Variants in PRDM1 observed in about 807,000 individuals in gnomAD.
The protein encoded by PRDM1 is PR/SET domain 1.
Under a neutral mutation model 62.8 loss-of-function variants are expected in PRDM1, and 13 were observed. The observed-to-expected ratio is 0.21, with a 90% CI of 0.13 to 0.33. The LOEUF (loss-of-function observed/expected upper bound fraction) is 0.33, where lower values mean the gene tolerates loss of function less well. Among genes scored for constraint, PRDM1 ranks in the 10% least tolerant of loss-of-function variants. The pLI, the probability that PRDM1 is intolerant of heterozygous loss-of-function variation, is 1.00. For missense variants in PRDM1, 895 were observed against 1,058.8 expected (o/e 0.85, Z 2.15); for synonymous variants, 396 against 417.6 (o/e 0.95, Z 0.63).
intron 1 of PRDM1, among the ~76,000 whole-genome samples, chr6:106,040,496 G>C (rs370408708): frequency 5.9e-5 from 9 of 152,174 alleles, no homozygotes; most frequent in Non-Finnish European, 1.0e-4. Flanking sequence ...TGTCCTCCTA[G>C]TTTCTGTTCT....
intron 4 of PRDM1, among the ~76,000 whole-genome samples, chr6:106,101,307 A>G (rs994778522): frequency 2.0e-5 from 3 of 152,088 alleles, no homozygotes; most frequent in Non-Finnish European, 4.4e-5. Context: ...ACTTTTTTGC[A>G]TGCTTCCCGC....
At chr6:106,098,193 G>T (rs1774162844) in intron 3 of PRDM1, 2 of 985,204 alleles carry the variant, frequency 2.0e-6, no homozygotes, top group Non-Finnish European at 1.2e-6. Flanking sequence ...CTTGGAGACT[G>T]CAAGTCGCAG....
At chr6:106,067,768 G>A (rs1486983878) in intron 1 of PRDM1, among the ~76,000 whole-genome samples, 1 of 152,142 alleles carries the variant, frequency 6.6e-6, no homozygotes, top group Non-Finnish European at 1.5e-5. Context: ...TCTGTTTTGA[G>A]TGATGAAAAA....
chr6:106,067,297 C>G (rs1409144802), intron 1 of PRDM1, among the ~76,000 whole-genome samples: 1 of 152,096 alleles, frequency 6.6e-6, no homozygotes, highest in Non-Finnish European at 1.5e-5. Context: ...CATTACTTCC[C>G]TAGAATAAAT....
At chr6:105,992,947 G>T (rs1772297486), upstream of PRDM1, among the ~76,000 whole-genome samples, 1 of 152,196 alleles carries the variant, frequency 6.6e-6, no homozygotes, top group Non-Finnish European at 1.5e-5. Flanking sequence ...GCTGGGGAGG[G>T]AGTTAGAGCT....
chr6:106,050,285 G>A (rs891079459), intron 1 of PRDM1, among the ~76,000 whole-genome samples: 1 of 152,160 alleles, frequency 6.6e-6, no homozygotes, highest in Non-Finnish European at 1.5e-5. Context: ...AAGATAAACA[G>A]TAGTGGTTCC....
intron 1 of PRDM1, among the ~76,000 whole-genome samples, chr6:106,072,604 G>A (rs559103849): frequency 3.9e-5 from 6 of 152,188 alleles, no homozygotes; most frequent in East Asian, 1.9e-4. Flanking sequence ...CTCAAGACCC[G>A]GATAGCTGGA....
chr6:106,040,662 G>T (rs1158048366), intron 1 of PRDM1, among the ~76,000 whole-genome samples: 1 of 152,122 alleles, frequency 6.6e-6, no homozygotes, highest in Non-Finnish European at 1.5e-5. Flanking sequence ...TCTATTTCTT[G>T]TTTGTTAAAA....
Position 106,109,643 on chromosome 6 carries a change from C to T in PRDM1, c.*2157C>T, listed in dbSNP as rs1335433633. 1 of 233,350 alleles carries T rather than the reference C, an allele frequency of 4.3e-6. No individual in the cohort carries two copies. The highest frequency in any genetic ancestry group is 6.0e-5 in the East Asian group (1 of 16,634). 14.5% of individuals were successfully genotyped at this position (233,350 alleles called of 1,614,324 possible). On this transcript the variant is annotated 3_prime_UTR_variant, in exon 7 of 7. Coordinates refer to ENST00000369096, the MANE Select transcript of PRDM1 (RefSeq NM_001198.4). The stretch of plus-strand genomic sequence containing the variant: ...ACCAAATACTTTTGATTCCCAACTA[C>T]TCGTTTGTTCTTTTTCTCCTTTTGT...
chr6:106,078,906 T>C (rs1333716616), intron 1 of PRDM1, among the ~76,000 whole-genome samples: 1 of 151,902 alleles, frequency 6.6e-6, no homozygotes, highest in African/African-American at 2.4e-5. Flanking sequence ...GAGTAGATCA[T>C]TTGGGGTCTC....
At position 106,108,114 on chromosome 6, in the gene PRDM1, A is replaced by G. The variant is rs994326057; in HGVS notation, c.*628A>G. On this transcript the variant is annotated 3_prime_UTR_variant, in exon 7 of 7. Coordinates refer to ENST00000369096, the MANE Select transcript of PRDM1 (RefSeq NM_001198.4). ...TTGATGTGTTCATTCCTGGGATCCT[A>G]TCATTTGAACAGCATTGTACATAAC... The G allele has an allele frequency of 8.6e-6, 2 of 233,340 alleles. No homozygotes were observed. Among genetic ancestry groups the G allele is most frequent in the African/African-American group, 4.4e-5 (2 of 45,324 alleles). 14.5% of individuals were successfully genotyped at this position (233,340 alleles called of 1,614,324 possible).
At chr6:106,039,228 T>C (rs1385994440) in intron 1 of PRDM1, among the ~76,000 whole-genome samples, 2 of 152,170 alleles carry the variant, frequency 1.3e-5, no homozygotes, top group African/African-American at 2.4e-5. Context: ...TCAGGCTGCA[T>C]TGGAGGAGTG....
chr6:106,086,507 C>A lies in PRDM1; in HGVS notation c.-47C>A. 2 of 1,531,304 alleles carry A rather than the reference C, an allele frequency of 1.3e-6. No individual in the cohort carries two copies. The highest frequency in any genetic ancestry group is 1.8e-6 in the Non-Finnish European group (2 of 1,131,358). The allele number at this position is 1,531,304 out of a possible 1,614,324, so 94.9% of individuals were successfully genotyped here. A position where few individuals can be genotyped will look rare whatever the true frequency, so the allele number is the denominator to read the frequency against. ...CTGTGCGGCTCAGCCTGGCGGGGGA[C>A]GCGGGGAGAATGTGGACTGGGTAGA... On this transcript the variant is annotated 5_prime_UTR_variant, in exon 1 of 7. Transcript: ENST00000369096.
rs115585312 is a variant in PRDM1, at chr6:106,099,152, T to C, written c.412-148T>C. 1.0e-4 allele frequency: 162 copies of C among 1,605,964 alleles called. No homozygotes were observed. The African/African-American group carries it at 1.9e-3, about 19-fold the overall frequency. ...GCCCTGATTTCTGCTGATTCAAGAC[T>C]ATTCTGGCTAAACTGATTGGATTCT... is the stretch of plus-strand genomic sequence containing the variant. On this transcript the variant is annotated intron_variant, in intron 3 of 6. Transcript: ENST00000369096.
rs764255670 is a variant in PRDM1, at chr6:105,994,796, G to A, written c.-67+1157G>A. ...TGGAGCAGATTCCGCGGCGGGGATG[G>A]CTGGGTGTGCAAACCGAAAACAGTT... is the stretch of plus-strand genomic sequence containing the variant. On this transcript the variant is annotated intron_variant, in intron 1 of 6. Coordinates refer to the PRDM1 transcript ENST00000652320. This position sits in a 1 kb window ranked among gnomAD's most constrained non-coding sequence, Gnocchi z 4.1. Among the ~76,000 whole-genome samples the A allele has an allele frequency of 6.6e-6, 1 of 152,188 alleles. No individual in the cohort carries two copies. Among genetic ancestry groups the A allele is most frequent in the East Asian group, 1.9e-4 (1 of 5,188 alleles).
intron 1 of PRDM1, among the ~76,000 whole-genome samples, chr6:106,063,479 T>C (rs907171640): frequency 1.3e-5 from 2 of 152,180 alleles, no homozygotes; most frequent in African/African-American, 4.8e-5. Flanking sequence ...TAGGTGTGAC[T>C]CCCTGCCCTG....
intron 1 of PRDM1, among the ~76,000 whole-genome samples, chr6:106,075,844 A>G (rs2114605021): frequency 6.6e-6 from 1 of 152,234 alleles, no homozygotes. Context: ...GGCATGCGAC[A>G]CTGCGCACAG....
intron 1 of PRDM1, among the ~76,000 whole-genome samples, chr6:106,041,411 G>A (rs1169085611): frequency 6.6e-6 from 1 of 152,162 alleles, no homozygotes; most frequent in East Asian, 1.9e-4. Flanking sequence ...AAAAGCCATT[G>A]CTTTAGGTTA....
At chr6:106,050,334 A>G (rs1330312553) in intron 1 of PRDM1, among the ~76,000 whole-genome samples, 1 of 152,244 alleles carries the variant, frequency 6.6e-6, no homozygotes, top group Non-Finnish European at 1.5e-5. Context: ...ATACTCTACT[A>G]TATTATCTCT....
Sources: gnomAD v4.1 joint callset for allele counts (sites outside exome capture counted in the v4.1 genomes callset) on GRCh38, gnomAD v4.1.1 for gene constraint, Gnocchi (gnomAD v3.1) non-coding constraint, MANE v1.5 for transcripts, NCBI Gene and HGNC (gene_info 2026-07-23, HGNC 2026-07-21) for gene names.